PTPRR: variants seen among roughly 807,000 people sequenced by gnomAD.
PTPRR encodes protein tyrosine phosphatase receptor type R.
Under a neutral mutation model 77.2 loss-of-function variants are expected in PTPRR, and 38 were observed. That is an observed-to-expected ratio of 0.49 (90% confidence interval 0.38 to 0.65). The LOEUF is 0.65. Ranked by LOEUF, PTPRR falls within the 30% of genes least tolerant of loss-of-function variation. The pLI, the probability that PTPRR is intolerant of heterozygous loss-of-function variation, is 0.00. For missense variants in PTPRR, 744 were observed against 799.2 expected (o/e 0.93, Z 0.83); for synonymous variants, 299 against 283.1 (o/e 1.06, Z -0.57).
intron 1 of PTPRR, among the ~76,000 whole-genome samples, chr12:70,902,586 A>G (rs1170141476): frequency 6.6e-6 from 1 of 151,892 alleles, no homozygotes; most frequent in Admixed American, 6.6e-5. Context: ...CATTCGCAGC[A>G]ACCTGGATGG....
intron 2 of PTPRR, among the ~76,000 whole-genome samples, chr12:70,772,184 T>G (rs886940648): frequency 2.6e-5 from 4 of 152,170 alleles, no homozygotes; most frequent in African/African-American, 9.6e-5. Context: ...TTTCTTTTAT[T>G]CTTATAATAC....
At position 70,662,609 on chromosome 12, in the gene PTPRR, GA is replaced by G. The variant is rs747011842; in HGVS notation, c.1498-5del. ...CCGGCCAGTATAGCACACATTTCTG[GA>G]GGAAGGGAAAGAGAATACAGCAAAT... On this transcript the variant is annotated splice_region_variant and splice_polypyrimidine_tract_variant and intron_variant, in intron 10 of 13. Transcript: ENST00000283228. 18 of 1,569,094 alleles carry G rather than the reference GA, an allele frequency of 1.1e-5. No individual in the cohort carries two copies. The Admixed American group carries it at 1.5e-4, about 13-fold the overall frequency.
intron 10 of PTPRR, among the ~76,000 whole-genome samples, chr12:70,674,618 C>T (rs1887375320): frequency 6.6e-6 from 1 of 151,938 alleles, no homozygotes; most frequent in Non-Finnish European, 1.5e-5. Context: ...TACAGTTATT[C>T]CTGGAAATTT....
intron 2 of PTPRR, among the ~76,000 whole-genome samples, chr12:70,765,270 G>C (rs776268311): frequency 6.6e-6 from 1 of 152,190 alleles, no homozygotes; most frequent in Non-Finnish European, 1.5e-5. Flanking sequence ...AGAAAGGGGT[G>C]ACAGACGGCA....
At chr12:70,794,517 G>T (rs568435687) in intron 2 of PTPRR, among the ~76,000 whole-genome samples, 1 of 152,290 alleles carries the variant, frequency 6.6e-6, no homozygotes, top group African/African-American at 2.4e-5. Context: ...CTGGGGAAAT[G>T]AAGCTTGAAA....
intron 2 of PTPRR, among the ~76,000 whole-genome samples, chr12:70,837,317 A>G (rs1222870080): frequency 1.3e-5 from 2 of 152,122 alleles, no homozygotes; most frequent in East Asian, 1.9e-4. Flanking sequence ...TCTATTTCTT[A>G]TATTTCATGC....
At chr12:70,757,773 T>A (rs369095787) in intron 4 of PTPRR, among the ~76,000 whole-genome samples, 1 of 152,224 alleles carries the variant, frequency 6.6e-6, no homozygotes, top group African/African-American at 2.4e-5. Context: ...TGATCCTTTT[T>A]TTCTGTTAAT....
intron 7 of PTPRR, among the ~76,000 whole-genome samples, chr12:70,699,007 T>C (rs1287765151): frequency 3.9e-5 from 6 of 152,164 alleles, no homozygotes; most frequent in African/African-American, 4.8e-5. Flanking sequence ...CCTCAAGTGA[T>C]TGGACAGGGA....
chr12:70,824,458 C>T (rs369761307), intron 2 of PTPRR, among the ~76,000 whole-genome samples: 9 of 152,028 alleles, frequency 5.9e-5, no homozygotes, highest in African/African-American at 1.9e-4. Flanking sequence ...ACCATGGTAG[C>T]TAAAGGCTAC....
intron 6 of PTPRR, among the ~76,000 whole-genome samples, chr12:70,713,481 A>G (rs910004222): frequency 2.0e-5 from 3 of 152,016 alleles, no homozygotes; most frequent in Non-Finnish European, 4.4e-5. Flanking sequence ...ATTCTTTTCC[A>G]AAGTGGCTGT....
chr12:70,807,440 C>T (rs1891730355), intron 2 of PTPRR, among the ~76,000 whole-genome samples: 1 of 152,124 alleles, frequency 6.6e-6, no homozygotes, highest in Admixed American at 6.5e-5. Flanking sequence ...GAACTTATTC[C>T]TCTTCACGAA....
At chr12:70,754,660 G>A in intron 4 of PTPRR, 1 of 1,597,468 alleles carries the variant, frequency 6.3e-7, no homozygotes, top group Non-Finnish European at 8.5e-7. Flanking sequence ...TCTGTTTTAA[G>A]TCCCCTCCCA....
At chr12:70,851,725 A>T (rs1892574685) in intron 2 of PTPRR, among the ~76,000 whole-genome samples, 2 of 152,204 alleles carry the variant, frequency 1.3e-5, no homozygotes, top group East Asian at 3.9e-4. Flanking sequence ...TATTTTCTAT[A>T]TGACTCTAAT....
chr12:70,699,329 A>G (rs1165030972), intron 7 of PTPRR, among the ~76,000 whole-genome samples: 2 of 152,322 alleles, frequency 1.3e-5, no homozygotes, highest in Admixed American at 1.3e-4. Flanking sequence ...AATAGAAGAA[A>G]TCATCTTTAA....
intron 6 of PTPRR, among the ~76,000 whole-genome samples, chr12:70,737,359 C>T (rs1304336110): frequency 6.6e-6 from 1 of 152,080 alleles, no homozygotes; most frequent in Non-Finnish European, 1.5e-5. Flanking sequence ...TGGACAAGAG[C>T]CCTTGTCTCA....
chr12:70,673,765 G>A (rs1887335147), intron 10 of PTPRR, among the ~76,000 whole-genome samples: 2 of 152,100 alleles, frequency 1.3e-5, no homozygotes, highest in Non-Finnish European at 2.9e-5. Context: ...TCAGATCTAC[G>A]AAATGGTGCT....
intron 2 of PTPRR, among the ~76,000 whole-genome samples, chr12:70,864,303 T>C (rs1344507371): frequency 6.6e-6 from 1 of 152,198 alleles, no homozygotes; most frequent in Non-Finnish European, 1.5e-5. Context: ...TTCTTGGGAA[T>C]GCTCTTTGCA....
chr12:70,920,316 G>C lies in PTPRR; in HGVS notation c.58+17C>G. ...ATCTCATGCACAGCTCCGGCTCTAA[G>C]CCTGGCAACCCCTTACCTGCAGCGT... On this transcript the variant is annotated intron_variant, in intron 1 of 13. Transcript: ENST00000283228. The C allele has an allele frequency of 6.2e-7, 1 of 1,611,964 alleles. No homozygotes were observed. The highest frequency in any genetic ancestry group is 1.1e-5 in the South Asian group (1 of 91,014).
chr12:70,904,560 A>G (rs1410296631), intron 1 of PTPRR, among the ~76,000 whole-genome samples: 2 of 151,888 alleles, frequency 1.3e-5, no homozygotes. Flanking sequence ...ACAAAAAGAT[A>G]GTAGGAAGTT....
Sources: gnomAD v4.1 joint callset for allele counts (sites outside exome capture counted in the v4.1 genomes callset) on GRCh38, gnomAD v4.1.1 for gene constraint, MANE v1.5 for transcripts, NCBI Gene and HGNC (gene_info 2026-07-23, HGNC 2026-07-21) for gene names.